IL6ST: variants seen among roughly 807,000 people sequenced by gnomAD.
IL6ST encodes interleukin-6 receptor subunit beta.
IL6ST carries 24 observed loss-of-function variants against 91.3 expected under a neutral mutation model. That is an observed-to-expected ratio of 0.26 (90% CI 0.19 to 0.37). The LOEUF is 0.37. Ranked by LOEUF, IL6ST falls within the 10% of genes least tolerant of loss-of-function variation. The pLI is 1.00. For missense variants in IL6ST, 914 were observed against 1,078.5 expected, an observed-to-expected ratio of 0.85 and a Z score of 2.14; for synonymous variants, 351 against 373.6, an observed-to-expected ratio of 0.94 and a Z score of 0.70.
rs62363866 is a variant in IL6ST, at chr5:55,935,709, C to T, written c.*5373G>A. 0.035 allele frequency: 7,689 copies of T among 217,840 alleles called. 187 individuals carry two copies. Among genetic ancestry groups the T allele is most frequent in the Non-Finnish European group, 0.049 (5,323 of 108,416 alleles). The allele number at this position is 217,840 out of a possible 1,614,324, so 13.5% of individuals were successfully genotyped here. On this transcript the variant is annotated 3_prime_UTR_variant, in exon 17 of 17. Transcript: ENST00000381298. ...ACTTAAGTATGGAAGAGCCTATACG[C>T]AGTTGTAATATATTTCGTATTTTGA...
intron 11 of IL6ST, among the ~76,000 whole-genome samples, chr5:55,954,344 T>C (rs1392074765): frequency 1.3e-5 from 2 of 152,224 alleles, no homozygotes; most frequent in Admixed American, 6.5e-5. Context: ...CTACGATTCA[T>C]TACTTCTGTC....
intron 1 of IL6ST, among the ~76,000 whole-genome samples, chr5:55,984,418 C>G (rs1471522320): frequency 2.6e-5 from 4 of 152,092 alleles, no homozygotes; most frequent in Non-Finnish European, 5.9e-5. Context: ...GTATAATAGG[C>G]CTTTAGTACA....
At chr5:55,964,650 G>A (rs983236191) in intron 5 of IL6ST, among the ~76,000 whole-genome samples, 2 of 151,826 alleles carry the variant, frequency 1.3e-5, no homozygotes, top group East Asian at 1.9e-4. Flanking sequence ...AACCCTTACT[G>A]TACCACAAAT....
rs1554021800 is a variant in IL6ST, at chr5:55,935,483, T to TTAG, written c.*5598_*5599insCTA. 1 of 211,380 alleles carries TTAG rather than the reference T, an allele frequency of 4.7e-6. No individual in the cohort carries two copies. The highest frequency in any genetic ancestry group is 2.3e-5 in the African/African-American group (1 of 43,844). 13.1% of individuals were successfully genotyped at this position (211,380 alleles called of 1,614,324 possible). A position where few individuals can be genotyped will look rare whatever the true frequency, so the allele number is the denominator to read the frequency against. ...CCTCCCTTGATGGAGACAGAACTTT[T>TTAG]CTATGGAGAACCCAAGCAGCCTTTC... On this transcript the variant is annotated 3_prime_UTR_variant, in exon 17 of 17. Transcript: ENST00000381298.
chr5:55,972,444 G>A (rs1340063274), intron 3 of IL6ST, among the ~76,000 whole-genome samples: 1 of 151,900 alleles, frequency 6.6e-6, no homozygotes, highest in Admixed American at 6.6e-5. Context: ...CCCAGGAGGC[G>A]GAGCTTGCAG....
At chr5:55,973,395 G>A (rs1753078306) in intron 3 of IL6ST, among the ~76,000 whole-genome samples, 1 of 152,168 alleles carries the variant, frequency 6.6e-6, no homozygotes. Context: ...TGAGACTTCA[G>A]AGGCTAGATC....
At chr5:55,967,731 G>A (rs545776683) in intron 5 of IL6ST, among the ~76,000 whole-genome samples, 94 of 152,252 alleles carry the variant, frequency 6.2e-4, no homozygotes, top group African/African-American at 2.2e-3. Context: ...GTCATGAGCT[G>A]ACCAGTGTTG....
chr5:55,976,911 C>T (rs1037372769), intron 2 of IL6ST, among the ~76,000 whole-genome samples: 2 of 152,128 alleles, frequency 1.3e-5, no homozygotes, highest in African/African-American at 2.4e-5. Context: ...TTTGATAGTT[C>T]GTTACCAAGT....
chr5:55,942,346 TACCATCAC>T (rs1433623132), intron 16 of IL6ST, among the ~76,000 whole-genome samples: 1 of 152,190 alleles, frequency 6.6e-6, no homozygotes, highest in East Asian at 1.9e-4. Flanking sequence ...TTGAGGTAGT[TACCATCAC>T]ATAGCAGTTT....
intron 5 of IL6ST, among the ~76,000 whole-genome samples, chr5:55,967,198 T>TA (rs1398772893): frequency 6.6e-5 from 10 of 150,628 alleles, no homozygotes; most frequent in Non-Finnish European, 8.8e-5. Context: ...TAATCCCAGC[T>TA]ACTCAGGAGG....
chr5:55,969,863 G>T lies in IL6ST; in HGVS notation c.65-8C>A. On this transcript the variant is annotated splice_polypyrimidine_tract_variant and splice_region_variant and intron_variant, in intron 3 of 16. Coordinates refer to ENST00000381298, the MANE Select transcript of IL6ST (RefSeq NM_002184.4). Reference sequence around the variant, plus strand: ...ATGGATCTAGAAGTTCACCTAAAAAGGAACAATAGAAAATATATAAATGGA... The same window carrying T: ...ATGGATCTAGAAGTTCACCTAAAAATGAACAATAGAAAATATATAAATGGA... The T allele has an allele frequency of 6.4e-7, 1 of 1,558,090 alleles. No individual in the cohort carries two copies. The highest frequency in any genetic ancestry group is 8.8e-7 in the Non-Finnish European group (1 of 1,142,086).
chr5:55,989,174 A>G (rs1324466625), intron 1 of IL6ST, among the ~76,000 whole-genome samples: 1 of 149,506 alleles, frequency 6.7e-6, no homozygotes, highest in Non-Finnish European at 1.5e-5. Context: ...AAAAAAGGGC[A>G]GTCTAAAGGT....
At chr5:55,954,650 A>C (rs924921809) in intron 11 of IL6ST, among the ~76,000 whole-genome samples, 160 bp downstream of exon 11, 1 of 152,218 alleles carries the variant, frequency 6.6e-6, no homozygotes, top group African/African-American at 2.4e-5. Flanking sequence ...TAATTCAGAG[A>C]GGTTAAGTAT....
Position 55,941,297 on chromosome 5 carries a change from G to A in IL6ST, c.2542C>T (p.Leu848Phe), listed in dbSNP as rs535657497. ...ATATGATCTGAAATCTGCTGTTTAA[G>A]TCTAACAAAATCTTCCTCATTGACT... The part of the protein sequence containing the change: ...SSVNEEDFVR[L>F]KQQISDHISQ... The change falls in exon 17 of 17, where the codon CTT (leucine) becomes TTT (phenylalanine). Residue 848 changes from leucine to phenylalanine, a missense_variant. Coordinates refer to ENST00000381298, the MANE Select transcript of IL6ST (RefSeq NM_002184.4). 3.2e-5 allele frequency: 51 copies of A among 1,614,022 alleles called. No individual in the cohort carries two copies. In the South Asian group the frequency reaches 5.5e-4, roughly 17 times the overall value.
At chr5:55,974,867 T>C (rs1753181567) in intron 3 of IL6ST, among the ~76,000 whole-genome samples, 1 of 151,702 alleles carries the variant, frequency 6.6e-6, no homozygotes, top group African/African-American at 2.4e-5. Context: ...ATCAGGAAAT[T>C]GAGGTACAGA....
chr5:55,977,137 C>CA (rs531131609), intron 2 of IL6ST, among the ~76,000 whole-genome samples: 287 of 142,660 alleles, frequency 2.0e-3, no homozygotes, highest in South Asian at 7.8e-3. Context: ...ACTCAGCAAA[C>CA]AAAAAAAAAA....
At chr5:55,975,226 G>A (rs6875155) in intron 3 of IL6ST, among the ~76,000 whole-genome samples, 17,863 of 152,048 alleles carry the variant, frequency 0.12, 1,127 homozygotes, top group Middle Eastern at 0.15. Context: ...TTAAATCATA[G>A]GGGTGGATTT....
At chr5:55,990,516 C>T (rs1326834050) in intron 1 of IL6ST, among the ~76,000 whole-genome samples, 1 of 152,158 alleles carries the variant, frequency 6.6e-6, no homozygotes, top group East Asian at 1.9e-4. Flanking sequence ...AGATAAAGTA[C>T]TGGGCATCGA....
At chr5:55,969,472 T>C in intron 4 of IL6ST, 78 bp downstream of exon 4, 2 of 964,132 alleles carry the variant, frequency 2.1e-6, no homozygotes, top group Non-Finnish European at 3.1e-6. Context: ...CTACATTTTA[T>C]AAAGATGAAA....
Sources: gnomAD v4.1 joint callset for allele counts (sites outside exome capture counted in the v4.1 genomes callset) on GRCh38, gnomAD v4.1.1 for gene constraint, MANE v1.5 for transcripts, NCBI Gene and HGNC (gene_info 2026-07-23, HGNC 2026-07-21) for gene names.